RBFOX1: variants seen among roughly 807,000 people sequenced by gnomAD.
RBFOX1 encodes RNA binding protein fox-1 homolog 1.
Under a neutral mutation model 57.7 loss-of-function variants are expected in RBFOX1, and 8 were observed. The ratio of observed to expected loss-of-function variants is 0.14; its 90% confidence interval spans 0.08 to 0.25. RBFOX1 has a LOEUF of 0.25. Ranked by LOEUF, RBFOX1 falls within the 10% of genes least tolerant of loss-of-function variation. The pLI, the probability that RBFOX1 is intolerant of heterozygous loss-of-function variation, is 1.00. For synonymous variants in RBFOX1, 326 were observed against 222.4 expected (o/e 1.47, Z -4.15); for missense variants, 611 against 548.5 (o/e 1.11, Z -1.14).
At chr16:7,318,511 T>C (rs1470670775) in intron 4 of RBFOX1, among the ~76,000 whole-genome samples, 1 of 152,204 alleles carries the variant, frequency 6.6e-6, no homozygotes, top group Non-Finnish European at 1.5e-5. Flanking sequence ...ATTTAACCTT[T>C]CTTTGTTTTA....
chr16:6,497,058 C>T (rs989459503), intron 2 of RBFOX1, among the ~76,000 whole-genome samples: 1 of 152,192 alleles, frequency 6.6e-6, no homozygotes, highest in African/African-American at 2.4e-5. Context: ...GCTCTCAAAC[C>T]TCTTAGGTAG....
Position 6,019,339 on chromosome 16 carries a change from C to T in RBFOX1, c.-780C>T. The T allele has an allele frequency of 4.1e-6, 4 of 985,762 alleles. No homozygotes were observed. The highest frequency in any genetic ancestry group is 4.8e-6 in the Non-Finnish European group (4 of 830,292). The allele number at this position is 985,762 out of a possible 1,614,324, so 61.1% of individuals were successfully genotyped here. The stretch of plus-strand genomic sequence containing the variant: ...CCCGTGCGAGCCGCGCTGCCGCCGC[C>T]TCCTCCAGCCAGAGTCGGTGGGACT... On this transcript the variant is annotated 5_prime_UTR_variant, in exon 1 of 16. Transcript: ENST00000550418. This position sits in a 1 kb window ranked among gnomAD's most constrained non-coding sequence, Gnocchi z 4.2.
chr16:6,924,233 A>G (rs796183019), intron 3 of RBFOX1, among the ~76,000 whole-genome samples: 15 of 152,068 alleles, frequency 9.9e-5, no homozygotes, highest in African/African-American at 3.6e-4. Flanking sequence ...TTATAAAGAA[A>G]AGAGGTTTAT....
chr16:6,210,921 T>G (rs2097292568), intron 1 of RBFOX1, among the ~76,000 whole-genome samples: 1 of 152,104 alleles, frequency 6.6e-6, no homozygotes, highest in Non-Finnish European at 1.5e-5. Context: ...ACAAGGTCTT[T>G]TTTTGTGTTT....
chr16:7,047,046 C>A (rs989566634), intron 3 of RBFOX1, among the ~76,000 whole-genome samples: 2 of 118,040 alleles, frequency 1.7e-5, no homozygotes, highest in Non-Finnish European at 3.6e-5. Context: ...CATGCAATTT[C>A]CTTTTTTTTT....
At chr16:6,596,525 C>A (rs1327445917) in intron 2 of RBFOX1, among the ~76,000 whole-genome samples, 2 of 144,894 alleles carry the variant, frequency 1.4e-5, no homozygotes, top group Non-Finnish European at 2.9e-5. Context: ...TCCTGTGTTC[C>A]TGGCATTTTT....
At chr16:5,610,223 G>C (rs2047726520) in intron 3 of RBFOX1, 1 of 152,262 alleles carries the variant, frequency 6.6e-6, no homozygotes, top group Admixed American at 6.5e-5. Context: ...CAGCACCTAT[G>C]CCTGTGCCTG....
At chr16:5,506,501 T>C (rs941586480) in intron 2 of RBFOX1, among the ~76,000 whole-genome samples, 7 of 152,102 alleles carry the variant, frequency 4.6e-5, no homozygotes, top group Non-Finnish European at 8.8e-5. Flanking sequence ...GCAAAATGAA[T>C]ATAAATAAGT....
chr16:5,605,616 G>C (rs1395438760), intron 3 of RBFOX1, among the ~76,000 whole-genome samples: 2 of 151,904 alleles, frequency 1.3e-5, no homozygotes, highest in African/African-American at 2.4e-5. Context: ...TCTGCCTTGG[G>C]TCTAGGAGGG....
intron 1 of RBFOX1, among the ~76,000 whole-genome samples, chr16:6,052,804 TATAATAATAATA>T (rs200513769): frequency 5.5e-5 from 8 of 144,238 alleles, no homozygotes; most frequent in East Asian, 2.0e-4. Flanking sequence ...TAAAATAAAA[TATAATAATAATA>T]ATAATAATAA....
chr16:5,751,745 C>G (rs72766923), intron 3 of RBFOX1, among the ~76,000 whole-genome samples: 2,140 of 152,232 alleles, frequency 0.014, 38 homozygotes, highest in Non-Finnish European at 0.021. Flanking sequence ...AGAACTGACT[C>G]CAAATTGAGA....
At position 6,317,001 on chromosome 16, in the gene RBFOX1, G is replaced by C. The variant is rs1300880425; in HGVS notation, c.-120G>C. 6.5e-7 allele frequency: 1 copy of C among 1,535,144 alleles called. No homozygotes were observed. The highest frequency in any genetic ancestry group is 2.4e-5 in the East Asian group (1 of 40,888). On this transcript the variant is annotated 5_prime_UTR_variant, in exon 2 of 16. Transcript: ENST00000550418. ...TCCCCTTTTTCTTCTTTAGGAAACT[G>C]GTCAAAGAACTCATGCAAGTGGAAC...
At chr16:6,264,697 C>T (rs1019443019) in intron 1 of RBFOX1, among the ~76,000 whole-genome samples, 2 of 152,198 alleles carry the variant, frequency 1.3e-5, no homozygotes, top group Admixed American at 1.3e-4. Flanking sequence ...AAGCCACACC[C>T]CTTGGAAAGC....
At chr16:6,685,049 C>G (rs968703200) in intron 3 of RBFOX1, among the ~76,000 whole-genome samples, 3 of 152,110 alleles carry the variant, frequency 2.0e-5, no homozygotes, top group Non-Finnish European at 2.9e-5. Context: ...TGCAGGATGA[C>G]TGAAAATTTA....
intron 4 of RBFOX1, among the ~76,000 whole-genome samples, chr16:7,393,596 A>G (rs1488584456): frequency 6.6e-6 from 1 of 152,148 alleles, no homozygotes; most frequent in Non-Finnish European, 1.5e-5. Flanking sequence ...ATGAATCAGG[A>G]TAAGGCAGAG....
intron 4 of RBFOX1, among the ~76,000 whole-genome samples, chr16:5,893,904 C>G (rs2058100361): frequency 6.6e-6 from 1 of 151,580 alleles, no homozygotes; most frequent in Non-Finnish European, 1.5e-5. Context: ...GTGCTTAGAA[C>G]AATTAAAAAA....
At chr16:6,851,198 T>C (rs2141973410) in intron 3 of RBFOX1, among the ~76,000 whole-genome samples, 1 of 152,340 alleles carries the variant, frequency 6.6e-6, no homozygotes, top group East Asian at 1.9e-4. Context: ...ACATACAAAA[T>C]GATACCGTGT....
chr16:6,738,872 ACTT>A (rs1470685843), intron 3 of RBFOX1, among the ~76,000 whole-genome samples: 4 of 152,170 alleles, frequency 2.6e-5, no homozygotes, highest in African/African-American at 9.6e-5. Flanking sequence ...TAAACAGTAA[ACTT>A]CTCAGTAATC....
chr16:6,535,852 A>G lies in RBFOX1; in HGVS notation c.-63-118751A>G, dbSNP rs568812448. On this transcript the variant is annotated intron_variant, in intron 2 of 15. Transcript: ENST00000550418. Reference sequence around the variant, plus strand: ...CTCCCTCTCTGTTCTCTTTTTCTCAATAGTGGCAATGTAGATTTTTTAAAG... The same window carrying G: ...CTCCCTCTCTGTTCTCTTTTTCTCAGTAGTGGCAATGTAGATTTTTTAAAG... 4.6e-5 allele frequency among the ~76,000 whole-genome samples: 7 copies of G among 152,252 alleles called. No homozygotes were observed. In the East Asian group the frequency reaches 5.8e-4, roughly 13 times the overall value.
Sources: gnomAD v4.1 joint callset for allele counts (sites outside exome capture counted in the v4.1 genomes callset) on GRCh38, gnomAD v4.1.1 for gene constraint, Gnocchi (gnomAD v3.1) non-coding constraint, MANE v1.5 for transcripts, NCBI Gene and HGNC (gene_info 2026-07-23, HGNC 2026-07-21) for gene names.